Variants in EPAS1 observed in about 807,000 individuals in gnomAD.
EPAS1 encodes the protein endothelial PAS domain-containing protein 1.
A neutral mutation model predicts 87.9 loss-of-function variants in EPAS1; 23 were observed. The ratio of observed to expected loss-of-function variants is 0.26; its 90% CI spans 0.19 to 0.37. EPAS1 has a LOEUF of 0.37. Among genes scored for constraint, EPAS1 ranks in the 10% least tolerant of loss-of-function variants. The probability of loss-of-function intolerance (pLI) is 1.00; values close to 1 mark genes in which losing one functional copy is unlikely to be tolerated. For synonymous variants in EPAS1, 508 were observed against 444.3 expected (o/e 1.14, Z -1.80); for missense variants, 1,138 against 1,120.7 (o/e 1.02, Z -0.22).
chr2:46,351,196 T>C (rs867023665), intron 2 of EPAS1, among the ~76,000 whole-genome samples: 1 of 152,222 alleles, frequency 6.6e-6, no homozygotes, highest in Non-Finnish European at 1.5e-5. Context: ...ACAGCTAATA[T>C]ACAGTCTCTT....
intron 6 of EPAS1, 134 bp downstream of exon 6, chr2:46,361,224 C>A: frequency 1.0e-6 from 1 of 990,750 alleles, no homozygotes. Context: ...TGGACCTGTG[C>A]CACTGTTTCA....
At chr2:46,298,438 G>C (rs948865676) in intron 1 of EPAS1, among the ~76,000 whole-genome samples, 1 of 152,210 alleles carries the variant, frequency 6.6e-6, no homozygotes, top group Non-Finnish European at 1.5e-5. Flanking sequence ...GGCGGAGAGC[G>C]GCTCAGGGAC....
intron 1 of EPAS1, among the ~76,000 whole-genome samples, chr2:46,332,332 G>GTGTGTGTGTGTGTGTA (rs146630883): frequency 3.5e-5 from 5 of 142,116 alleles, no homozygotes; most frequent in Admixed American, 2.1e-4. Context: ...GTGTGTGTGT[G>GTGTGTGTGTGTGTGTA]TATCAACTTG....
chr2:46,335,500 C>G (rs1683771468), intron 1 of EPAS1, among the ~76,000 whole-genome samples: 1 of 151,334 alleles, frequency 6.6e-6, no homozygotes, highest in Admixed American at 6.6e-5. Flanking sequence ...TGAGGCAGTC[C>G]AGCTCTGTTT....
In EPAS1 at chr2:46,297,602, C is replaced by A; in HGVS notation, c.-310C>A. On this transcript the variant is annotated 5_prime_UTR_variant, in exon 1 of 16. Coordinates refer to ENST00000263734, the MANE Select transcript of EPAS1 (RefSeq NM_001430.5). ...AAAACTCAGAAAAGTGACTCCTTTTCCAGGGAAAAAGGAACTTGGGTTCCC... is the reference window on the plus strand; with the variant it reads ...AAAACTCAGAAAAGTGACTCCTTTTACAGGGAAAAAGGAACTTGGGTTCCC... 1 of 418,488 alleles carries A rather than the reference C, an allele frequency of 2.4e-6. No individual in the cohort carries two copies. Among genetic ancestry groups the A allele is most frequent in the Non-Finnish European group, 4.4e-6 (1 of 228,204 alleles). 25.9% of individuals were successfully genotyped at this position (418,488 alleles called of 1,614,324 possible). A position where few individuals can be genotyped will look rare whatever the true frequency, so the allele number is the denominator to read the frequency against.
intron 15 of EPAS1, among the ~76,000 whole-genome samples, chr2:46,383,434 G>A (rs545038344): frequency 1.3e-5 from 2 of 152,260 alleles, no homozygotes; most frequent in East Asian, 1.9e-4. Flanking sequence ...AAAATAATTC[G>A]TGGTTTATGG....
At chr2:46,309,444 T>C (rs2104840694) in intron 1 of EPAS1, among the ~76,000 whole-genome samples, 1 of 152,350 alleles carries the variant, frequency 6.6e-6, no homozygotes, top group East Asian at 1.9e-4. Flanking sequence ...CCAACTCAGA[T>C]AAAACATTGA....
At chr2:46,369,635 T>G (rs1188579600) in intron 6 of EPAS1, among the ~76,000 whole-genome samples, 192 bp from the exon 7 acceptor site, 1 of 152,040 alleles carries the variant, frequency 6.6e-6, no homozygotes, top group African/African-American at 2.4e-5. Context: ...ACAACAGGGG[T>G]TTGGTTAAAC....
chr2:46,349,788 G>T (rs140053097), intron 2 of EPAS1, among the ~76,000 whole-genome samples: 2 of 152,346 alleles, frequency 1.3e-5, no homozygotes, highest in East Asian at 1.9e-4. Context: ...TTCAGAAATT[G>T]TAAGACAAGA....
chr2:46,306,259 G>A (rs1179904642), intron 1 of EPAS1, among the ~76,000 whole-genome samples: 1 of 152,116 alleles, frequency 6.6e-6, no homozygotes, highest in Non-Finnish European at 1.5e-5. Context: ...TTTGCATACT[G>A]TCACTACTTT....
At chr2:46,310,401 A>C (rs1683187367) in intron 1 of EPAS1, among the ~76,000 whole-genome samples, 1 of 152,210 alleles carries the variant, frequency 6.6e-6, no homozygotes, top group Non-Finnish European at 1.5e-5. Context: ...ACACAGCCAA[A>C]TCCAAGTCAG....
At chr2:46,382,371 C>G in intron 14 of EPAS1, 54 bp from the exon 15 acceptor site, 128 of 1,595,810 alleles carry the variant, frequency 8.0e-5, no homozygotes, top group Non-Finnish European at 9.5e-5. Context: ...GCTTCCTGGC[C>G]TCTCCCCTCC....
chr2:46,379,582 A>C (rs1201600109), intron 11 of EPAS1: 1 of 161,336 alleles, frequency 6.2e-6, no homozygotes, highest in Non-Finnish European at 1.4e-5. Flanking sequence ...ACACCCACTG[A>C]GGGTGTCAGT....
intron 1 of EPAS1, among the ~76,000 whole-genome samples, chr2:46,323,968 A>G (rs1461560977): frequency 6.6e-6 from 1 of 152,262 alleles, no homozygotes; most frequent in Non-Finnish European, 1.5e-5. Context: ...ACCACCAACA[A>G]CAAATATTTA....
chr2:46,381,805 CT>C, intron 13 of EPAS1, 83 bp downstream of exon 13: 1 of 1,597,976 alleles, frequency 6.3e-7, no homozygotes, highest in Non-Finnish European at 8.5e-7. Flanking sequence ...GGATGTGGCC[CT>C]TCCAAGCCAG....
At chr2:46,309,055 A>G (rs1683164057) in intron 1 of EPAS1, among the ~76,000 whole-genome samples, 2 of 152,248 alleles carry the variant, frequency 1.3e-5, no homozygotes, top group Admixed American at 1.3e-4. Flanking sequence ...TCCCCACAGA[A>G]GTCAGAATAG....
At position 46,380,466 on chromosome 2, in the gene EPAS1, G is replaced by C. The variant is rs1306591436; in HGVS notation, c.1794G>C (p.Glu598Asp). ...FQQQLESKKTEPEHRPMSSIF... is the reference protein window; with the variant it reads ...FQQQLESKKTDPEHRPMSSIF... Reference sequence around the variant, plus strand: ...AGCAGCTGGAGAGCAAGAAGACAGAGCCCGAGCACCGGCCCATGTCCTCCA... The same window carrying C: ...AGCAGCTGGAGAGCAAGAAGACAGACCCCGAGCACCGGCCCATGTCCTCCA... Residue 598 changes from glutamate to aspartate, a missense_variant, in exon 12 of 16, where the codon GAG becomes GAC. Physicochemically the swap from Glu to Asp is conservative, Grantham distance 45. Transcript: ENST00000263734. This position sits in a 1 kb window ranked among gnomAD's most constrained non-coding sequence, Gnocchi z 4.4. 1.2e-6 allele frequency: 2 copies of C among 1,614,150 alleles called. No homozygotes were observed. The highest frequency in any genetic ancestry group is 3.3e-5 in the Admixed American group (2 of 60,018).
intron 1 of EPAS1, among the ~76,000 whole-genome samples, chr2:46,318,810 G>C (rs896567331): frequency 6.6e-6 from 1 of 152,204 alleles, no homozygotes; most frequent in Non-Finnish European, 1.5e-5. Context: ...ACAATAAAAT[G>C]AGGTATGCCT....
At chr2:46,298,103 G>A (rs746668321) in intron 1 of EPAS1, among the ~76,000 whole-genome samples, 166 bp downstream of exon 1, 7 of 152,168 alleles carry the variant, frequency 4.6e-5, no homozygotes, top group Non-Finnish European at 1.0e-4. Flanking sequence ...CGGTTTGGGG[G>A]CGCGGATCAG....
Sources: allele counts gnomAD v4.1 joint callset (sites outside exome capture counted in the v4.1 genomes callset), GRCh38; gene constraint gnomAD v4.1.1; non-coding constraint Gnocchi (gnomAD v3.1); transcripts MANE v1.5; gene names NCBI Gene and HGNC (gene_info 2026-07-23, HGNC 2026-07-21).